The following MKNK2 variants were observed in gnomAD, a reference collection of about 807,000 sequenced individuals.
The protein encoded by MKNK2 is MAP kinase-interacting serine/threonine-protein kinase 2.
In MKNK2, 54 loss-of-function variants were observed where a neutral mutation model predicts 55.0. That is an observed-to-expected ratio of 0.98 (90% CI 0.79 to 1.23). The LOEUF (loss-of-function observed/expected upper bound fraction) is 1.23. MKNK2 is among the 50% of genes most tolerant of loss of function. The pLI, the probability that MKNK2 is intolerant of heterozygous loss-of-function variation, is 0.00. For synonymous variants in MKNK2, 323 were observed against 256.0 expected, an observed-to-expected ratio of 1.26 and a Z score of -2.50; for missense variants, 685 against 632.1, an observed-to-expected ratio of 1.08 and a Z score of -0.90.
chr19:2,050,832 G>C lies in MKNK2; in HGVS notation c.20C>G (p.Ala7Gly), dbSNP rs1435665698. Residue 7 changes from alanine to glycine, a missense_variant, in exon 2 of 14, where the codon GCC becomes GGC. Transcript: ENST00000250896. ...CGAACGGTGGAAACCCTGAAGTTCG[G>C]CTGGTTTCTTCTGCACCATCTTCTG... Reference protein sequence around the residue: MVQKKPAELQGFHRSFK... With the variant: MVQKKPGELQGFHRSFK... The C allele has an allele frequency of 6.5e-7, 1 of 1,537,320 alleles. No homozygotes were observed. The highest frequency in any genetic ancestry group is 2.0e-5 in the Admixed American group (1 of 50,278).
At position 2,043,108 on chromosome 19, in the gene MKNK2, T is replaced by C. The variant is rs146470954; in HGVS notation, c.493+16A>G. Reference sequence around the variant, plus strand: ...CCCAGCTCCCTCCCTCCTCACAGCCTGGAGCCCCCAGGTACCTCCCCGCAT... The same window carrying C: ...CCCAGCTCCCTCCCTCCTCACAGCCCGGAGCCCCCAGGTACCTCCCCGCAT... On this transcript the variant is annotated intron_variant, in intron 7 of 13. Coordinates refer to ENST00000250896, the MANE Select transcript of MKNK2 (RefSeq NM_199054.3). 1,507 of 1,605,752 alleles carry C rather than the reference T, an allele frequency of 9.4e-4. 17 individuals carry two copies. In the East Asian group the frequency reaches 0.024, roughly 26 times the overall value.
chr19:2,049,499 G>A (rs1021988314), intron 2 of MKNK2, among the ~76,000 whole-genome samples: 3 of 152,180 alleles, frequency 2.0e-5, no homozygotes, highest in African/African-American at 7.2e-5. Context: ...GGCTGCCCTG[G>A]CCATGCACAG....
Position 2,038,635 on chromosome 19 carries a change from A to G in MKNK2, c.*978T>C. On this transcript the variant is annotated 3_prime_UTR_variant, in exon 14 of 14. Transcript: ENST00000250896. The stretch of plus-strand genomic sequence containing the variant: ...GGCTCAGCTCTAAGGACAAGGACGG[A>G]GCTGACGGAGCTTCCAGGTCAGGCC... The G allele has an allele frequency of 2.0e-6, 2 of 985,266 alleles. No individual in the cohort carries two copies. The highest frequency in any genetic ancestry group is 2.4e-6 in the Non-Finnish European group (2 of 829,898). The allele number at this position is 985,266 out of a possible 1,614,324, so 61.0% of individuals were successfully genotyped here.
chr19:2,051,120 G>C lies in MKNK2; in HGVS notation c.-121C>G, dbSNP rs950784470. The C allele has an allele frequency of 1.3e-4, 26 of 200,880 alleles. No individual in the cohort carries two copies. The highest frequency in any genetic ancestry group is 3.4e-3 in the Middle Eastern group (2 of 584). The allele number at this position is 200,880 out of a possible 1,614,324, so 12.4% of individuals were successfully genotyped here. A position where few individuals can be genotyped will look rare whatever the true frequency, so the allele number is the denominator to read the frequency against. On this transcript the variant is annotated 5_prime_UTR_variant, in exon 1 of 14. Transcript: ENST00000250896. ...CCGGGGTCGGGCTTGGGCCGGGGCCGCAGTGCCGCCGCCGCCCCACGTCGC... is the reference window on the plus strand; with the variant it reads ...CCGGGGTCGGGCTTGGGCCGGGGCCCCAGTGCCGCCGCCGCCCCACGTCGC...
In MKNK2 at chr19:2,042,640, C is replaced by T. The variant is rs546219897; in HGVS notation, c.621G>A (p.Lys207=). 50 of 1,563,202 alleles carry T rather than the reference C, an allele frequency of 3.2e-5. 1 individual carries two copies. Among genetic ancestry groups the T allele is most frequent in the Middle Eastern group, 3.3e-4 (2 of 5,986 alleles). The change falls in exon 9 of 14, where the codon AAG becomes AAA. Residue 207 remains lysine, a synonymous_variant. Coordinates refer to ENST00000250896, the MANE Select transcript of MKNK2 (RefSeq NM_199054.3). ...GGTGCTCACAGAGGATGTTTTCCGG[C>T]TTTAGGTCCCTGTGGGCGATGCCTG... ...HNKGIAHRDL[K]PENILCEHPN...
Position 2,042,495 on chromosome 19 carries a change from C to G in MKNK2, c.682G>C (p.Asp228His). 1 of 1,597,320 alleles carries G rather than the reference C, an allele frequency of 6.3e-7. No individual in the cohort carries two copies. Among genetic ancestry groups the G allele is most frequent in the Non-Finnish European group, 8.5e-7 (1 of 1,173,378 alleles). ...TTGAGTTTGATGCCGCTGCCCAGGT[C>G]GAAGTCACAGATCTTCACGGGGGAG... Reference protein sequence around the residue: ...QVSPVKICDFDLGSGIKLNGD... With the variant: ...QVSPVKICDFHLGSGIKLNGD... The change falls in exon 10 of 14, where the codon GAC (aspartate) becomes CAC (histidine). Residue 228 changes from aspartate to histidine, a missense_variant. Coordinates refer to ENST00000250896, the MANE Select transcript of MKNK2 (RefSeq NM_199054.3).
rs779751107 is a variant in MKNK2, at chr19:2,046,660, A to G, written c.83T>C (p.Leu28Pro). The G allele has an allele frequency of 1.3e-5, 20 of 1,553,996 alleles. No homozygotes were observed. The highest frequency in any genetic ancestry group is 8.3e-5 in the Admixed American group (4 of 48,358). ...GQNPFELAFS[L>P]DQPDHGDSDF... ...AGAGTCTCCGTGGTCGGGCTGGTCT[A>G]GGGAGAAGGCCAGCTCGAAGGGGTT... The change falls in exon 3 of 14, where the codon CTA (leucine) becomes CCA (proline). Residue 28 changes from leucine to proline, a missense_variant. Leu to Pro is a moderately conservative substitution (Grantham distance 98). Coordinates refer to ENST00000250896, the MANE Select transcript of MKNK2 (RefSeq NM_199054.3).
At chr19:2,039,953 C>T (rs1446255987) in intron 13 of MKNK2, 97 bp from the exon 14 acceptor site, 1 of 1,445,348 alleles carries the variant, frequency 6.9e-7, no homozygotes, top group Admixed American at 1.9e-5. Context: ...TTCATGCCCC[C>T]CTCCCAGCCC....
intron 2 of MKNK2, among the ~76,000 whole-genome samples, chr19:2,049,904 CAG>C (rs1389170226): frequency 1.3e-5 from 2 of 152,144 alleles, no homozygotes; most frequent in Admixed American, 6.5e-5. Context: ...ACACACAAGA[CAG>C]AGACACACAC....
Position 2,042,673 on chromosome 19 carries a change from A to T in MKNK2, c.599-11T>A. 1 of 1,560,158 alleles carries T rather than the reference A, an allele frequency of 6.4e-7. No individual in the cohort carries two copies. The highest frequency in any genetic ancestry group is 8.7e-7 in the Non-Finnish European group (1 of 1,151,102). The stretch of plus-strand genomic sequence containing the variant: ...CCCTGTGGGCGATGCCTGGGGGAGA[A>T]GCCACAGAACCACGACGGGGTGAGG... On this transcript the variant is annotated splice_polypyrimidine_tract_variant and intron_variant, in intron 8 of 13. Coordinates refer to ENST00000250896, the MANE Select transcript of MKNK2 (RefSeq NM_199054.3).
chr19:2,047,600 C>T (rs2017027519), intron 2 of MKNK2, among the ~76,000 whole-genome samples: 1 of 152,084 alleles, frequency 6.6e-6, no homozygotes, highest in South Asian at 2.1e-4. Flanking sequence ...GGAGGTGAGT[C>T]ACTAGGCGGG....
At chr19:2,047,498 G>C (rs926829839) in intron 2 of MKNK2, among the ~76,000 whole-genome samples, 1 of 152,204 alleles carries the variant, frequency 6.6e-6, no homozygotes, top group Non-Finnish European at 1.5e-5. Context: ...GGCCCAAGCC[G>C]TGTCTTGCAC....
rs2016847652 is a variant in MKNK2, at chr19:2,040,264, T to C, written c.1111-87A>G. On this transcript the variant is annotated intron_variant, in intron 12 of 13. Transcript: ENST00000250896. ...TGGGGTGTCTGGCCAAGGGATGCCA[T>C]GCCCATCCCATCACCAGGACCCCAC... 4.3e-6 allele frequency: 5 copies of C among 1,171,044 alleles called. No individual in the cohort carries two copies. In the East Asian group the frequency reaches 7.7e-5, roughly 18 times the overall value. 72.5% of individuals were successfully genotyped at this position (1,171,044 alleles called of 1,614,324 possible).
At position 2,051,169 on chromosome 19, in the gene MKNK2, A is replaced by T. The variant is rs1051556466; in HGVS notation, c.-170T>A. 11 of 157,674 alleles carry T rather than the reference A, an allele frequency of 7.0e-5. No individual in the cohort carries two copies. The highest frequency in any genetic ancestry group is 2.7e-4 in the African/African-American group (11 of 41,242). The allele number at this position is 157,674 out of a possible 1,614,324, so 9.8% of individuals were successfully genotyped here. ...GCGCAGCCCGGACCCCGCTCCGCGG[A>T]CCGCGCGGGGAACAGCGCCGCCGCC... On this transcript the variant is annotated 5_prime_UTR_variant, in exon 1 of 14. Transcript: ENST00000250896.
intron 7 of MKNK2, 42 bp from the exon 8 acceptor site, chr19:2,042,912 G>A (rs1321342011): frequency 2.0e-6 from 3 of 1,534,022 alleles, no homozygotes; most frequent in Non-Finnish European, 1.8e-6. Flanking sequence ...GAACACGCAG[G>A]TCACCTCAAA....
At chr19:2,041,514 C>T (rs537765106) in intron 11 of MKNK2, among the ~76,000 whole-genome samples, 3 of 152,322 alleles carry the variant, frequency 2.0e-5, no homozygotes, top group Non-Finnish European at 4.4e-5. Flanking sequence ...CCTCTCAGCT[C>T]TCTGAACCCT....
In MKNK2 at chr19:2,037,904, CG is replaced by C; in HGVS notation, c.*1708del. 1 of 1,442,928 alleles carries C rather than the reference CG, an allele frequency of 6.9e-7. No homozygotes were observed. Among genetic ancestry groups the C allele is most frequent in the South Asian group, 1.4e-5 (1 of 69,888 alleles). 89.4% of individuals were successfully genotyped at this position (1,442,928 alleles called of 1,614,324 possible). The stretch of plus-strand genomic sequence containing the variant: ...GCTTTAGAGACCCGATGGCTATGGG[CG>C]CCTGCAGCGGGCGGGGGTCCATTTG... On this transcript the variant is annotated 3_prime_UTR_variant, in exon 14 of 14. Transcript: ENST00000250896.
chr19:2,039,422 G>A lies in MKNK2; in HGVS notation c.*191C>T, dbSNP rs2016824024. ...CATCCAAAGGAAAAAATAACGGGGA[G>A]GGGTGGAAACAGGAAAAAAAAAACC... On this transcript the variant is annotated 3_prime_UTR_variant, in exon 14 of 14. Coordinates refer to ENST00000250896, the MANE Select transcript of MKNK2 (RefSeq NM_199054.3). 7.1e-6 allele frequency: 10 copies of A among 1,401,820 alleles called. No individual in the cohort carries two copies. Among genetic ancestry groups the A allele is most frequent in the Non-Finnish European group, 8.3e-6 (9 of 1,081,034 alleles). 86.8% of individuals were successfully genotyped at this position (1,401,820 alleles called of 1,614,324 possible). A position where few individuals can be genotyped will look rare whatever the true frequency, so the allele number is the denominator to read the frequency against.
rs1026446680 is a variant in MKNK2 at position 2,038,759 on chromosome 19, T to G, written c.*854A>C. ...GGGGTGTCTTCAGGACCCCCCACATTGGCTGACAGTGCCTGTCCAGCCCCT... is the reference window on the plus strand; with the variant it reads ...GGGGTGTCTTCAGGACCCCCCACATGGGCTGACAGTGCCTGTCCAGCCCCT... On this transcript the variant is annotated 3_prime_UTR_variant, in exon 14 of 14. Transcript: ENST00000250896. 1 of 985,392 alleles carries G rather than the reference T, an allele frequency of 1.0e-6. No homozygotes were observed. The highest frequency in any genetic ancestry group is 1.2e-6 in the Non-Finnish European group (1 of 829,904). The allele number at this position is 985,392 out of a possible 1,614,324, so 61.0% of individuals were successfully genotyped here.
Sources: allele counts gnomAD v4.1 joint callset (sites outside exome capture counted in the v4.1 genomes callset), GRCh38; gene constraint gnomAD v4.1.1; transcripts MANE v1.5; gene names NCBI Gene and HGNC (gene_info 2026-07-23, HGNC 2026-07-21).